Variants in PATL2 observed in about 807,000 individuals in gnomAD.
PATL2 encodes protein PAT1 homolog 2.
In PATL2, 73 loss-of-function variants were observed where a neutral mutation model predicts 77.0. The ratio of observed to expected loss-of-function variants is 0.95; its 90% CI spans 0.78 to 1.15. The LOEUF (loss-of-function observed/expected upper bound fraction) is 1.15. Among genes scored for constraint, PATL2 ranks in the 50% most tolerant of loss-of-function variants. PATL2 has a pLI of 0.00. For missense variants in PATL2, 618 were observed against 655.4 expected (o/e 0.94, Z 0.62); for synonymous variants, 265 against 257.1 (o/e 1.03, Z -0.29).
intron 3 of PATL2, among the ~76,000 whole-genome samples, chr15:44,692,472 T>G (rs1307226981): frequency 6.6e-6 from 1 of 152,232 alleles, no homozygotes; most frequent in Non-Finnish European, 1.5e-5. Context: ...TCATATTCTT[T>G]ACCTTGACAC....
Position 44,674,179 on chromosome 15 carries a change from A to G in PATL2, c.274T>C (p.Ser92Pro). ...GVKAPGMLGM[S>P]LASLHFLWQT... The stretch of plus-strand genomic sequence containing the variant: ...CACAGAAAATGCAAGGAGGCAAGTG[A>G]CATTCCCAGCATACCAGGGGCCTTG... The change falls in exon 6 of 18, where the codon TCA becomes CCA. Residue 92 changes from serine (S) to proline (P), a missense_variant. By Grantham distance (74) the Ser-to-Pro change is moderately conservative (BLOSUM62 -1). Coordinates refer to ENST00000682850, the MANE Select transcript of PATL2 (RefSeq NM_001387263.1). The G allele has an allele frequency of 6.4e-7, 1 of 1,550,900 alleles. No homozygotes were observed. The highest frequency in any genetic ancestry group is 8.7e-7 in the Non-Finnish European group (1 of 1,146,266).
chr15:44,680,743 C>CAT (rs1286407720), intron 3 of PATL2, among the ~76,000 whole-genome samples: 3 of 152,218 alleles, frequency 2.0e-5, no homozygotes, highest in Non-Finnish European at 4.4e-5. Context: ...CATTTCCTCA[C>CAT]ATCATTCCTT....
chr15:44,702,903 G>A (rs989102903), intron 3 of PATL2, among the ~76,000 whole-genome samples: 10 of 151,936 alleles, frequency 6.6e-5, no homozygotes, highest in Non-Finnish European at 8.8e-5. Context: ...CTAACATATG[G>A]TCTATCCTTG....
chr15:44,700,013 T>A (rs1028134907), intron 3 of PATL2, among the ~76,000 whole-genome samples: 2 of 150,880 alleles, frequency 1.3e-5, no homozygotes, highest in Non-Finnish European at 2.9e-5. Context: ...AATTTTAGGA[T>A]TTTTTTTCCA....
In PATL2 at chr15:44,670,066, TCTC is replaced by T; in HGVS notation, c.676_678del (p.Glu226del). ...AGTAGCTCTTCGTCTGCCTGCTTCT[TCTC>T]TAGCTTCTGGTAATATTCCTGAGAA... On this transcript the variant is annotated inframe_deletion, in exon 10 of 18. Transcript: ENST00000682850. 1 of 1,551,632 alleles carries T rather than the reference TCTC, an allele frequency of 6.4e-7. No individual in the cohort carries two copies. The highest frequency in any genetic ancestry group is 1.2e-5 in the South Asian group (1 of 84,036).
chr15:44,674,858 T>G (rs907432665), intron 5 of PATL2: 1 of 152,198 alleles, frequency 6.6e-6, no homozygotes, highest in African/African-American at 2.4e-5. Flanking sequence ...CATAAGCCAC[T>G]GCCCCTGGCC....
chr15:44,682,599 C>CA (rs2086158507), intron 3 of PATL2, among the ~76,000 whole-genome samples: 1 of 152,202 alleles, frequency 6.6e-6, no homozygotes, highest in Non-Finnish European at 1.5e-5. Context: ...TGTCCTACTC[C>CA]AGCTCACTCC....
At chr15:44,705,549 T>C (rs1372623166) in intron 3 of PATL2, among the ~76,000 whole-genome samples, 1 of 152,142 alleles carries the variant, frequency 6.6e-6, no homozygotes, top group East Asian at 1.9e-4. Flanking sequence ...CTTCATTCTT[T>C]TTTATTCTTT....
At chr15:44,672,818 G>A (rs992801573) in intron 7 of PATL2, among the ~76,000 whole-genome samples, 11 of 152,158 alleles carry the variant, frequency 7.2e-5, no homozygotes, top group Admixed American at 5.9e-4. Flanking sequence ...GGAGTGCAGT[G>A]GCATGGTCTC....
intron 3 of PATL2, among the ~76,000 whole-genome samples, chr15:44,686,677 A>C (rs952164505): frequency 6.6e-6 from 1 of 152,268 alleles, no homozygotes; most frequent in African/African-American, 2.4e-5. Context: ...TAAAGAAGAA[A>C]AGAGAGAAGA....
rs1744656985 is a variant in PATL2, at chr15:44,672,322, G to T, written c.515+66C>A. 4 of 1,527,530 alleles carry T rather than the reference G, an allele frequency of 2.6e-6. No homozygotes were observed. The East Asian group carries it at 7.4e-5, about 28-fold the overall frequency. The allele number at this position is 1,527,530 out of a possible 1,614,324, so 94.6% of individuals were successfully genotyped here. A position where few individuals can be genotyped will look rare whatever the true frequency, so the allele number is the denominator to read the frequency against. ...CATGGGAGATTTGAGGGAGACAACT[G>T]GTCACAAGGGGAGACCCGGCATGCA... On this transcript the variant is annotated intron_variant, in intron 8 of 17. Transcript: ENST00000682850.
rs1410003576 is a variant in PATL2 at position 44,669,008 on chromosome 15, AG to A, written c.1195del (p.Leu399SerfsTer26). The A allele has an allele frequency of 2.6e-6, 4 of 1,549,976 alleles. No homozygotes were observed. The highest frequency in any genetic ancestry group is 3.5e-6 in the Non-Finnish European group (4 of 1,146,080). On this transcript the variant is annotated frameshift_variant, in exon 14 of 18. Transcript: ENST00000682850. LOFTEE classifies it high-confidence loss of function. ...ATCAGCCACATCCCTCCGGACCAGG[AG>A]GGGCAGATGGTGGGTGATAGCCAAA... ...ILLAITHHLP[L>X]LVRRDVADQA...
At chr15:44,703,124 A>C (rs1202738156) in intron 3 of PATL2, among the ~76,000 whole-genome samples, 2 of 152,100 alleles carry the variant, frequency 1.3e-5, no homozygotes, top group African/African-American at 2.4e-5. Flanking sequence ...AAATACAAAA[A>C]AATTAGCTGG....
chr15:44,673,701 G>A (rs1282993373), intron 6 of PATL2, among the ~76,000 whole-genome samples: 1 of 152,128 alleles, frequency 6.6e-6, no homozygotes, highest in Non-Finnish European at 1.5e-5. Context: ...CGCTGGGGCA[G>A]TACTCATCTG....
At chr15:44,687,192 A>G (rs560775768) in intron 3 of PATL2, among the ~76,000 whole-genome samples, 34 of 152,350 alleles carry the variant, frequency 2.2e-4, no homozygotes, top group Non-Finnish European at 4.6e-4. Context: ...GCAGCACATC[A>G]AAAAGCTTAT....
intron 3 of PATL2, among the ~76,000 whole-genome samples, chr15:44,683,355 G>A (rs2086178143): frequency 1.3e-5 from 2 of 152,194 alleles, no homozygotes; most frequent in South Asian, 4.1e-4. Context: ...AATTCTCACT[G>A]CCAGCACAGC....
rs2085738262 is a variant in PATL2 at position 44,672,468 on chromosome 15, A to G, written c.447-12T>C. 1 of 1,550,248 alleles carries G rather than the reference A, an allele frequency of 6.5e-7. No homozygotes were observed. ...GCTGGGTCAGATGACTGGGAAGACA[A>G]GAAGTAACGAGCTGGGTGGAAGGAA... is the stretch of plus-strand genomic sequence containing the variant. On this transcript the variant is annotated splice_polypyrimidine_tract_variant and intron_variant, in intron 7 of 17. Transcript: ENST00000682850.
chr15:44,675,712 G>A, intron 4 of PATL2, 21 bp from the exon 5 acceptor site: 1 of 1,531,960 alleles, frequency 6.5e-7, no homozygotes, highest in Non-Finnish European at 8.8e-7. Flanking sequence ...GTGTGGGCCA[G>A]AGGAGAAGGT....
chr15:44,673,114 C>T lies in PATL2; in HGVS notation c.446+121G>A. On this transcript the variant is annotated intron_variant, in intron 7 of 17. Transcript: ENST00000682850. ...AATTTGTGAGGGAGACGGAATTAGACTATACCTCAGACTTCTCTTACTAGT... is the reference window on the plus strand; with the variant it reads ...AATTTGTGAGGGAGACGGAATTAGATTATACCTCAGACTTCTCTTACTAGT... 3.1e-6 allele frequency: 4 copies of T among 1,290,084 alleles called. No homozygotes were observed. The South Asian group carries it at 4.6e-5, about 15-fold the overall frequency. The allele number at this position is 1,290,084 out of a possible 1,614,324, so 79.9% of individuals were successfully genotyped here. A position where few individuals can be genotyped will look rare whatever the true frequency, so the allele number is the denominator to read the frequency against.
Sources: gnomAD v4.1 joint callset for allele counts (sites outside exome capture counted in the v4.1 genomes callset) on GRCh38, gnomAD v4.1.1 for gene constraint, MANE v1.5 for transcripts, NCBI Gene and HGNC (gene_info 2026-07-23, HGNC 2026-07-21) for gene names.